The following ZNF654 variants were observed in gnomAD, a reference collection of about 807,000 sequenced individuals.
The protein encoded by ZNF654 is zinc finger protein 654.
In ZNF654, 19 loss-of-function variants were observed where a neutral mutation model predicts 95.3. That is an observed-to-expected ratio of 0.20 (90% confidence interval 0.14 to 0.29). The LOEUF is 0.29. ZNF654 is among the 10% of genes least tolerant of loss of function. ZNF654 has a pLI of 1.00. For missense variants in ZNF654, 1,046 were observed against 1,341.0 expected (o/e 0.78, Z 3.44); for synonymous variants, 413 against 457.9 (o/e 0.90, Z 1.25).
At chr3:88,134,529 A>G (rs1326379192) in intron 6 of ZNF654, among the ~76,000 whole-genome samples, 9 of 152,066 alleles carry the variant, frequency 5.9e-5, no homozygotes, top group African/African-American at 1.7e-4. Context: ...TACCTATGAA[A>G]TAGTTCAAAT....
At chr3:88,089,818 A>C (rs559221969) in intron 2 of ZNF654, among the ~76,000 whole-genome samples, 19 of 152,184 alleles carry the variant, frequency 1.2e-4, no homozygotes, top group Non-Finnish European at 2.6e-4. Context: ...AGAATGTCAT[A>C]AGATTTTGGG....
chr3:88,081,372 T>TA (rs1708066161), intron 1 of ZNF654, among the ~76,000 whole-genome samples: 1 of 152,182 alleles, frequency 6.6e-6, no homozygotes, highest in Non-Finnish European at 1.5e-5. Context: ...TTGGGGGAGA[T>TA]ACCTTGAGAC....
intron 3 of ZNF654, among the ~76,000 whole-genome samples, chr3:88,114,237 T>G (rs1705258598): frequency 6.6e-6 from 1 of 152,150 alleles, no homozygotes; most frequent in Non-Finnish European, 1.5e-5. Flanking sequence ...ATGGGGATAG[T>G]GCTGGCATGG....
At chr3:88,078,998 TA>T (rs1707950832) in intron 1 of ZNF654, among the ~76,000 whole-genome samples, 1 of 152,078 alleles carries the variant, frequency 6.6e-6, no homozygotes, top group South Asian at 2.1e-4. Flanking sequence ...ATGTATTGGC[TA>T]AAAAGTCAGT....
intron 2 of ZNF654, among the ~76,000 whole-genome samples, chr3:88,111,901 T>C (rs1488845166): frequency 1.3e-5 from 2 of 151,978 alleles, no homozygotes; most frequent in Non-Finnish European, 1.5e-5. Context: ...TTTGGCCTAA[T>C]AATGAATAAG....
intron 3 of ZNF654, among the ~76,000 whole-genome samples, chr3:88,123,066 C>G (rs1220064133): frequency 1.3e-5 from 2 of 151,058 alleles, no homozygotes; most frequent in Non-Finnish European, 3.0e-5. Context: ...GTATATATAC[C>G]CTAGGAGAGA....
chr3:88,110,615 C>T (rs747335840), intron 2 of ZNF654, among the ~76,000 whole-genome samples: 21 of 152,066 alleles, frequency 1.4e-4, no homozygotes, highest in Non-Finnish European at 2.6e-4. Context: ...TAGACTGTTA[C>T]TCATATTTTG....
intron 2 of ZNF654, among the ~76,000 whole-genome samples, chr3:88,092,084 CTT>C (rs1703773749): frequency 6.6e-6 from 1 of 152,092 alleles, no homozygotes; most frequent in East Asian, 1.9e-4. Context: ...AGAAGGAAAA[CTT>C]TTTGCATTAT....
chr3:88,140,312 T>G lies in ZNF654; in HGVS notation c.2643T>G (p.Ser881Arg). The change falls in exon 8 of 9, where the codon AGT becomes AGG. Residue 881 changes from serine to arginine, a missense_variant. Coordinates refer to ENST00000636215, the MANE Select transcript of ZNF654 (RefSeq NM_001350134.2). ...SKTPESSAQP[S>R]ETILWDVQTD... ...CACCAGAGTCATCTGCACAACCAAG[T>G]GAAACAATTCTTTGGGATGTTCAGA... 6.2e-7 allele frequency: 1 copy of G among 1,613,634 alleles called. No homozygotes were observed. Among genetic ancestry groups the G allele is most frequent in the Non-Finnish European group, 8.5e-7 (1 of 1,179,732 alleles).
chr3:88,141,274 G>A (rs1707113046), intron 8 of ZNF654, among the ~76,000 whole-genome samples: 2 of 151,990 alleles, frequency 1.3e-5, no homozygotes, highest in South Asian at 4.1e-4. Flanking sequence ...TTTGCATAGG[G>A]CTTTGCCTAT....
rs536492059 is a variant in ZNF654, at chr3:88,121,111, A to G, written c.415-5023A>G. On this transcript the variant is annotated intron_variant, in intron 3 of 8. Coordinates refer to ENST00000636215, the MANE Select transcript of ZNF654 (RefSeq NM_001350134.2). ...GAACTTAAAGTAAAATAAATAATAA[A>G]TCCAAACAAAGATGAGCAAAATAAA... 2.0e-5 allele frequency among the ~76,000 whole-genome samples: 3 copies of G among 151,886 alleles called. No individual in the cohort carries two copies. In the South Asian group the frequency reaches 6.2e-4, roughly 32 times the overall value.
At chr3:88,123,284 CA>C (rs1705892114) in intron 3 of ZNF654, among the ~76,000 whole-genome samples, 2 of 152,050 alleles carry the variant, frequency 1.3e-5, no homozygotes, top group South Asian at 4.1e-4. Context: ...AGCTGTTTTC[CA>C]TAAGAGTGGT....
intron 3 of ZNF654, among the ~76,000 whole-genome samples, chr3:88,119,179 T>TA (rs1705601775): frequency 6.8e-6 from 1 of 147,770 alleles, no homozygotes; most frequent in Non-Finnish European, 1.5e-5. Context: ...ATGTGGCACA[T>TA]ACACACCATG....
intron 3 of ZNF654, among the ~76,000 whole-genome samples, chr3:88,121,133 T>TA (rs765582721): frequency 6.6e-5 from 10 of 150,988 alleles, no homozygotes; most frequent in Admixed American, 2.6e-4. Context: ...ATGAGCAAAA[T>TA]AAAAAAAAAG....
chr3:88,103,186 C>A (rs1450189477), intron 2 of ZNF654, among the ~76,000 whole-genome samples: 2 of 151,866 alleles, frequency 1.3e-5, no homozygotes, highest in African/African-American at 4.8e-5. Context: ...AAAAAAGAGA[C>A]CCCCTATTAA....
intron 3 of ZNF654, among the ~76,000 whole-genome samples, chr3:88,118,912 T>C (rs1418816914): frequency 4.7e-5 from 7 of 150,318 alleles, no homozygotes; most frequent in Non-Finnish European, 1.0e-4. Flanking sequence ...TGTGGAGAAA[T>C]AGGAACACTT....
chr3:88,082,271 C>T (rs770177524), intron 1 of ZNF654, among the ~76,000 whole-genome samples: 17 of 152,052 alleles, frequency 1.1e-4, no homozygotes, highest in African/African-American at 1.9e-4. Context: ...GGACTACAGG[C>T]GCGTGCCACC....
At chr3:88,094,243 T>A (rs1703922622) in intron 2 of ZNF654, among the ~76,000 whole-genome samples, 1 of 152,162 alleles carries the variant, frequency 6.6e-6, no homozygotes, top group Non-Finnish European at 1.5e-5. Context: ...TAAAAAACTC[T>A]TAGTGCATTT....
intron 1 of ZNF654, among the ~76,000 whole-genome samples, chr3:88,064,368 A>G (rs900130616): frequency 6.6e-6 from 1 of 152,112 alleles, no homozygotes. Flanking sequence ...CACTTTGATT[A>G]TACCCCGTTT....
Sources: gnomAD v4.1 joint callset for allele counts (sites outside exome capture counted in the v4.1 genomes callset) on GRCh38, gnomAD v4.1.1 for gene constraint, MANE v1.5 for transcripts, NCBI Gene and HGNC (gene_info 2026-07-23, HGNC 2026-07-21) for gene names.